CCNF: variants seen among roughly 807,000 people sequenced by gnomAD.
CCNF encodes the protein cyclin F, also known as cyclin-F.
In CCNF, 30 loss-of-function variants were observed where a neutral mutation model predicts 85.4. The ratio of observed to expected loss-of-function variants is 0.35; its 90% confidence interval spans 0.26 to 0.48. CCNF has a LOEUF of 0.48. Among genes scored for constraint, CCNF ranks in the 20% least tolerant of loss-of-function variants. The pLI is 0.99. For missense variants in CCNF, 919 were observed against 1,010.4 expected, an observed-to-expected ratio of 0.91 and a Z score of 1.23; for synonymous variants, 439 against 425.1, an observed-to-expected ratio of 1.03 and a Z score of -0.40.
intron 10 of CCNF, 72 bp from the exon 11 acceptor site, chr16:2,448,783 C>T (rs2065375491): frequency 1.4e-6 from 2 of 1,462,200 alleles, no homozygotes; most frequent in Admixed American, 3.7e-5. Flanking sequence ...CCTCCTAAAG[C>T]CTTGGGTCCC....
intron 10 of CCNF, 102 bp downstream of exon 10, chr16:2,445,724 G>GTTTT: frequency 5.7e-5 from 45 of 782,744 alleles, no homozygotes; most frequent in African/African-American, 1.3e-4. Flanking sequence ...GTTTTGTTTT[G>GTTTT]TGTTGTTTTT....
intron 2 of CCNF, 135 bp from the exon 3 acceptor site, chr16:2,432,826 T>C (rs773048566): frequency 3.5e-6 from 2 of 566,568 alleles, no homozygotes; most frequent in Non-Finnish European, 3.2e-6. Context: ...CACACAGAGA[T>C]TGGGGACCTC....
intron 15 of CCNF, among the ~76,000 whole-genome samples, chr16:2,455,025 A>C (rs1455691774): frequency 7.1e-6 from 1 of 141,528 alleles, no homozygotes; most frequent in South Asian, 2.2e-4. Flanking sequence ...ACACCACTGC[A>C]CTCTAGCCTG....
intron 15 of CCNF, among the ~76,000 whole-genome samples, chr16:2,454,629 G>A (rs1231644356): frequency 6.6e-6 from 1 of 152,194 alleles, no homozygotes; most frequent in Admixed American, 6.5e-5. Context: ...CCAGGCTCAC[G>A]CCCACACACT....
In CCNF at chr16:2,431,421, T is replaced by A. The variant is rs893509971; in HGVS notation, c.171+137T>A. 18 of 875,782 alleles carry A rather than the reference T, an allele frequency of 2.1e-5. No homozygotes were observed. The African/African-American group carries it at 2.7e-4, about 13-fold the overall frequency. 54.3% of individuals were successfully genotyped at this position (875,782 alleles called of 1,614,324 possible). A position where few individuals can be genotyped will look rare whatever the true frequency, so the allele number is the denominator to read the frequency against. ...AGGCCAGGCACGGTGGCTCATGCCT[T>A]AATCCTAGCACTTTGGGAGGCCGAA... is the stretch of plus-strand genomic sequence containing the variant. On this transcript the variant is annotated intron_variant, in intron 2 of 16. Coordinates refer to ENST00000397066, the MANE Select transcript of CCNF (RefSeq NM_001761.3).
At chr16:2,435,258 AAAAG>A (rs1259998172) in intron 3 of CCNF, among the ~76,000 whole-genome samples, 3 of 94,944 alleles carry the variant, frequency 3.2e-5, no homozygotes, top group Non-Finnish European at 5.8e-5. Context: ...TCAAAAAAAA[AAAAG>A]AAAAGAAAAG....
rs751851010 is a variant in CCNF at position 2,443,816 on chromosome 16, C to A, written c.929+16C>A. On this transcript the variant is annotated intron_variant, in intron 9 of 16. Transcript: ENST00000397066. ...ACACAATGAGGTGAGGCATTCAGGC[C>A]GGGGCTTCTAATCAGAGCGGCGCGG... 1.2e-6 allele frequency: 2 copies of A among 1,613,148 alleles called. No individual in the cohort carries two copies. The highest frequency in any genetic ancestry group is 1.7e-5 in the Admixed American group (1 of 59,990).
rs111364812 is a variant in CCNF, at chr16:2,451,359, G to A, written c.1487+1444G>A. On this transcript the variant is annotated intron_variant, in intron 13 of 16. Coordinates refer to ENST00000397066, the MANE Select transcript of CCNF (RefSeq NM_001761.3). The surrounding 1 kb of genome is among the most constrained non-coding windows in gnomAD (Gnocchi z 4.3). ...AGACCAGTGGGGCTGGGGGCCATGAGTGGAGTCATGGCAGTGAGGGGTGAG... is the reference window on the plus strand; with the variant it reads ...AGACCAGTGGGGCTGGGGGCCATGAATGGAGTCATGGCAGTGAGGGGTGAG... Among the ~76,000 whole-genome samples the A allele has an allele frequency of 4.6e-5, 7 of 152,270 alleles. No individual in the cohort carries two copies. Among genetic ancestry groups the A allele is most frequent in the African/African-American group, 1.7e-4 (7 of 41,556 alleles).
In CCNF at chr16:2,456,756, C is replaced by T. The variant is rs779972411; in HGVS notation, c.2097C>T (p.Thr699=). Residue 699 remains threonine (T), a synonymous_variant, in exon 17 of 17, where the codon ACC becomes ACT. Coordinates refer to ENST00000397066, the MANE Select transcript of CCNF (RefSeq NM_001761.3). This position sits in a 1 kb window ranked among gnomAD's most constrained non-coding sequence, Gnocchi z 4.5. ...TSREPGKDVT[T]SGYSSVSTAS... ...GGGAGCCAGGGAAGGACGTCACGAC[C>T]TCAGGGTACTCCTCCGTCAGCACCG... The T allele has an allele frequency of 1.3e-5, 21 of 1,612,700 alleles. No individual in the cohort carries two copies. Among genetic ancestry groups the T allele is most frequent in the Non-Finnish European group, 1.7e-5 (20 of 1,179,338 alleles).
rs377522066 is a variant in CCNF, at chr16:2,430,531, T to C, written c.17-599T>C. On this transcript the variant is annotated intron_variant, in intron 1 of 16. Coordinates refer to ENST00000397066, the MANE Select transcript of CCNF (RefSeq NM_001761.3). ...TGTGTTGGGACCTGAGCAACAACCTTACTGCGTAGCTGTCAACTCCGCATT... is the reference window on the plus strand; with the variant it reads ...TGTGTTGGGACCTGAGCAACAACCTCACTGCGTAGCTGTCAACTCCGCATT... Among the ~76,000 whole-genome samples the C allele has an allele frequency of 1.1e-4, 17 of 152,242 alleles. No individual in the cohort carries two copies. In the South Asian group the frequency reaches 3.5e-3, roughly 32 times the overall value.
At position 2,456,503 on chromosome 16, in the gene CCNF, T is replaced by G; in HGVS notation, c.1886-42T>G. 1 of 1,408,654 alleles carries G rather than the reference T, an allele frequency of 7.1e-7. No homozygotes were observed. The highest frequency in any genetic ancestry group is 9.5e-7 in the Non-Finnish European group (1 of 1,048,888). 87.3% of individuals were successfully genotyped at this position (1,408,654 alleles called of 1,614,324 possible). ...CCTGGCAGGGGGTCTCCCCTGATGC[T>G]TGGGTGTGACATGACTTCCCTCCCC... On this transcript the variant is annotated intron_variant, in intron 16 of 16. Coordinates refer to ENST00000397066, the MANE Select transcript of CCNF (RefSeq NM_001761.3). The surrounding 1 kb of genome is among the most constrained non-coding windows in gnomAD (Gnocchi z 4.5).
At position 2,448,114 on chromosome 16, in the gene CCNF, C is replaced by T. The variant is rs140236588; in HGVS notation, c.1095-741C>T. 1.8e-3 allele frequency among the ~76,000 whole-genome samples: 279 copies of T among 152,364 alleles called. 1 individual carries two copies. Among genetic ancestry groups the T allele is most frequent in the Non-Finnish European group, 2.8e-3 (189 of 68,038 alleles). ...CGCCTAGAGACAGTCAGGATTCCTG[C>T]GGCCACACAGTGCCGGGCACAGACT... On this transcript the variant is annotated intron_variant, in intron 10 of 16. Transcript: ENST00000397066.
At chr16:2,440,841 C>T (rs551566151) in intron 8 of CCNF, among the ~76,000 whole-genome samples, 20 of 152,252 alleles carry the variant, frequency 1.3e-4, no homozygotes, top group Admixed American at 2.0e-4. Flanking sequence ...GCAATCCCAG[C>T]GCTGTAGGAG....
In CCNF at chr16:2,451,988, A is replaced by T. The variant is rs893091210; in HGVS notation, c.1488-1222A>T. Among the ~76,000 whole-genome samples the T allele has an allele frequency of 3.3e-5, 5 of 152,242 alleles. No homozygotes were observed. Among genetic ancestry groups the T allele is most frequent in the African/African-American group, 1.2e-4 (5 of 41,460 alleles). Reference sequence around the variant, plus strand: ...TTCTGGCCCTGGTGGGTCGTGGTGCATGAAGCCCTGTGTGCCCAGCTGAGG... The same window carrying T: ...TTCTGGCCCTGGTGGGTCGTGGTGCTTGAAGCCCTGTGTGCCCAGCTGAGG... On this transcript the variant is annotated intron_variant, in intron 13 of 16. Coordinates refer to ENST00000397066, the MANE Select transcript of CCNF (RefSeq NM_001761.3). The surrounding 1 kb of genome is among the most constrained non-coding windows in gnomAD (Gnocchi z 4.3).
chr16:2,429,485 G>A lies in CCNF; in HGVS notation c.4G>A (p.Gly2Arg), dbSNP rs1171871439. 1 of 1,230,784 alleles carries A rather than the reference G, an allele frequency of 8.1e-7. No individual in the cohort carries two copies. Among genetic ancestry groups the A allele is most frequent in the Non-Finnish European group, 1.0e-6 (1 of 987,370 alleles). The allele number at this position is 1,230,784 out of a possible 1,614,324, so 76.2% of individuals were successfully genotyped here. Residue 2 changes from glycine (G) to arginine (R), a missense_variant, in exon 1 of 17, where the codon GGG (glycine) becomes AGG (arginine). By Grantham distance (125) the Gly-to-Arg change is moderately radical. Around this residue, in one of 3 missense-constraint regions of CCNF, gnomAD observed 410 missense variants for 478.6 expected, o/e 0.86. Transcript: ENST00000397066. M[G>R]SGGVVHCRCA... ...CGGCAGCGACGCGAGCGCGGCGATG[G>A]GGAGCGGCGGCGGTGAGTGCGGGGC...
intron 3 of CCNF, 31 bp downstream of exon 3, chr16:2,433,098 T>C (rs374999333): frequency 2.8e-6 from 4 of 1,429,434 alleles, no homozygotes; most frequent in Non-Finnish European, 3.9e-6. Context: ...TGGCTCAGTC[T>C]TCTCCTGCCT....
intron 6 of CCNF, 54 bp downstream of exon 6, chr16:2,438,177 G>GA (rs776106564): frequency 8.8e-5 from 113 of 1,288,574 alleles, no homozygotes; most frequent in Non-Finnish European, 1.2e-4. Flanking sequence ...ATCCCTAGCC[G>GA]AGATCCTGGA....
intron 8 of CCNF, among the ~76,000 whole-genome samples, chr16:2,440,347 G>A (rs566180951): frequency 1.3e-5 from 2 of 152,160 alleles, no homozygotes; most frequent in Admixed American, 6.5e-5. Flanking sequence ...GGCCAGGTGC[G>A]GTGGCTCACG....
intron 15 of CCNF, among the ~76,000 whole-genome samples, chr16:2,454,185 G>A (rs564152210): frequency 1.3e-5 from 2 of 152,282 alleles, no homozygotes; most frequent in African/African-American, 4.8e-5. Flanking sequence ...GACCAGGCAG[G>A]GCTGCCTCCA....
Sources: gnomAD v4.1 joint callset for allele counts (sites outside exome capture counted in the v4.1 genomes callset) on GRCh38, gnomAD v4.1.1 for gene constraint, gnomAD v4.1.1 regional missense constraint, Gnocchi (gnomAD v3.1) non-coding constraint, MANE v1.5 for transcripts, NCBI Gene and HGNC (gene_info 2026-07-23, HGNC 2026-07-21) for gene names.